DLG1: variants seen among roughly 807,000 people sequenced by gnomAD.
DLG1 encodes disks large homolog 1.
In DLG1, 42 loss-of-function variants were observed where a neutral mutation model predicts 123.4. The ratio of observed to expected loss-of-function variants is 0.34; its 90% CI spans 0.27 to 0.44. The LOEUF is 0.44. Ranked by LOEUF, DLG1 falls within the 20% of genes least tolerant of loss-of-function variation. The probability of loss-of-function intolerance (pLI) is 1.00; values close to 1 mark genes in which losing one functional copy is unlikely to be tolerated. For missense variants in DLG1, 942 were observed against 1,082.6 expected, an observed-to-expected ratio of 0.87 and a Z score of 1.82; for synonymous variants, 317 against 356.2, an observed-to-expected ratio of 0.89 and a Z score of 1.24.
intron 4 of DLG1, among the ~76,000 whole-genome samples, chr3:197,215,978 T>C (rs1369370693): frequency 6.6e-6 from 1 of 152,200 alleles, no homozygotes; most frequent in Non-Finnish European, 1.5e-5. Context: ...TTAAATGCCA[T>C]GCAAATGACC....
intron 5 of DLG1, chr3:197,183,583 A>T (rs1289254810): frequency 6.5e-7 from 1 of 1,550,262 alleles, no homozygotes; most frequent in Non-Finnish European, 8.7e-7. Context: ...ACCTGGGTGG[A>T]GCTGGTGGCT....
In DLG1 at chr3:197,170,779, G is replaced by C. The variant is rs542732383; in HGVS notation, c.484-20983C>G. ...ATGTTTGCTTTTGTTGCAATTGCATGGTGTCTTCATGATGAACCCTTTGCC... is the reference window on the plus strand; with the variant it reads ...ATGTTTGCTTTTGTTGCAATTGCATCGTGTCTTCATGATGAACCCTTTGCC... On this transcript the variant is annotated intron_variant, in intron 5 of 24. Transcript: ENST00000667157. 2.4e-4 allele frequency among the ~76,000 whole-genome samples: 36 copies of C among 152,216 alleles called. No individual in the cohort carries two copies. The East Asian group carries it at 6.6e-3, about 28-fold the overall frequency.
rs929718456 is a variant in DLG1 at position 197,296,835 on chromosome 3, T to C, written c.19+351A>G. The C allele has an allele frequency of 1.2e-5, 4 of 340,882 alleles. No individual in the cohort carries two copies. The Admixed American group carries it at 1.8e-4, about 15-fold the overall frequency. The allele number at this position is 340,882 out of a possible 1,614,324, so 21.1% of individuals were successfully genotyped here. ...TACAATTTGTCATCATAATCCAAAT[T>C]TTTAACATTTCAAAATACAAATTCT... On this transcript the variant is annotated intron_variant, in intron 2 of 24. Coordinates refer to ENST00000667157, the MANE Select transcript of DLG1 (RefSeq NM_001366207.1).
At chr3:197,274,684 A>C (rs1029614560) in intron 4 of DLG1, among the ~76,000 whole-genome samples, 2 of 152,236 alleles carry the variant, frequency 1.3e-5, no homozygotes, top group Non-Finnish European at 2.9e-5. Flanking sequence ...CAGAGTGATG[A>C]AACAACTTAC....
rs561230450 is a variant in DLG1 at position 197,190,097 on chromosome 3, T to C, written c.483+4328A>G. ...GATACCAAAAAACTGACTTCTCATC[T>C]CTTATGGTCAGAAAATTAAGGAAGA... On this transcript the variant is annotated intron_variant, in intron 5 of 24. Coordinates refer to ENST00000667157, the MANE Select transcript of DLG1 (RefSeq NM_001366207.1). 3.9e-5 allele frequency among the ~76,000 whole-genome samples: 6 copies of C among 152,338 alleles called. No homozygotes were observed. The East Asian group carries it at 7.7e-4, about 20-fold the overall frequency.
At chr3:197,184,092 G>A in intron 5 of DLG1, 5 of 1,179,806 alleles carry the variant, frequency 4.2e-6, no homozygotes, top group Non-Finnish European at 5.3e-6. Flanking sequence ...TTTTTCACCA[G>A]CGTCTGCAGG....
intron 4 of DLG1, among the ~76,000 whole-genome samples, chr3:197,237,028 C>T (rs1746332070): frequency 6.6e-6 from 1 of 152,030 alleles, no homozygotes; most frequent in African/African-American, 2.4e-5. Flanking sequence ...CAATAACTAG[C>T]GTCTGGGAGC....
chr3:197,228,908 A>G (rs1741356195), intron 4 of DLG1, among the ~76,000 whole-genome samples: 1 of 152,206 alleles, frequency 6.6e-6, no homozygotes, highest in Non-Finnish European at 1.5e-5. Flanking sequence ...AAATTATCAA[A>G]AGCTTGGAAA....
At chr3:197,099,866 T>C (rs1174383989) in intron 14 of DLG1, among the ~76,000 whole-genome samples, 1 of 152,226 alleles carries the variant, frequency 6.6e-6, no homozygotes. Flanking sequence ...GGCCAGTTAG[T>C]TGTTTTAAGT....
intron 23 of DLG1, among the ~76,000 whole-genome samples, chr3:197,052,838 T>C (rs1578161443): frequency 6.6e-6 from 1 of 152,186 alleles, no homozygotes; most frequent in South Asian, 2.1e-4. Flanking sequence ...AGAGAATCTA[T>C]AGGTTAAACA....
At chr3:197,283,194 A>G (rs1212906169) in intron 3 of DLG1, among the ~76,000 whole-genome samples, 1 of 152,196 alleles carries the variant, frequency 6.6e-6, no homozygotes, top group Non-Finnish European at 1.5e-5. Flanking sequence ...TATAATACAT[A>G]TAAGATGCCT....
chr3:197,288,169 T>C (rs770424502), intron 3 of DLG1, among the ~76,000 whole-genome samples: 9 of 151,550 alleles, frequency 5.9e-5, no homozygotes, highest in Non-Finnish European at 1.3e-4. Context: ...ATCGAGACCA[T>C]CCTGGCCAAC....
chr3:197,087,687 A>T (rs1755224694), intron 15 of DLG1, among the ~76,000 whole-genome samples: 1 of 152,246 alleles, frequency 6.6e-6, no homozygotes, highest in Non-Finnish European at 1.5e-5. Context: ...GCAGAATGAA[A>T]GAAGCTATAA....
chr3:197,045,585 A>C lies in DLG1; in HGVS notation c.2576-856T>G, dbSNP rs575588383. Among the ~76,000 whole-genome samples, 158 of 151,664 alleles carry C rather than the reference A, an allele frequency of 1.0e-3. 3 individuals are homozygous for C. Among genetic ancestry groups the C allele is most frequent in the African/African-American group, 3.5e-3 (143 of 41,424 alleles). On this transcript the variant is annotated intron_variant, in intron 24 of 24. Coordinates refer to ENST00000667157, the MANE Select transcript of DLG1 (RefSeq NM_001366207.1). Reference sequence around the variant, plus strand: ...GTGAGACCCTGTGTATTTAAAAAAAAAAAAAAATAGCTGGGCATGGTGGTG... The same window carrying C: ...GTGAGACCCTGTGTATTTAAAAAAACAAAAAAATAGCTGGGCATGGTGGTG...
intron 11 of DLG1, among the ~76,000 whole-genome samples, chr3:197,122,505 A>C (rs1036940056): frequency 6.6e-6 from 1 of 152,146 alleles, no homozygotes; most frequent in Non-Finnish European, 1.5e-5. Flanking sequence ...GAAAGAAGGA[A>C]GTAAAATTCA....
At chr3:197,052,327 T>C (rs977851191) in intron 23 of DLG1, among the ~76,000 whole-genome samples, 4 of 152,020 alleles carry the variant, frequency 2.6e-5, no homozygotes, top group African/African-American at 7.2e-5. Flanking sequence ...TGGTGGCGCA[T>C]GCCTGTAATC....
At chr3:197,176,911 T>C (rs532102773) in intron 5 of DLG1, among the ~76,000 whole-genome samples, 1 of 152,064 alleles carries the variant, frequency 6.6e-6, no homozygotes, top group Non-Finnish European at 1.5e-5. Context: ...TTAATCTTCA[T>C]CTCTATGCTT....
At chr3:197,215,429 A>G (rs553134627) in intron 4 of DLG1, among the ~76,000 whole-genome samples, 12 of 152,254 alleles carry the variant, frequency 7.9e-5, no homozygotes, top group African/African-American at 2.4e-4. Flanking sequence ...TTTAATATAA[A>G]ACTTTTAGAA....
At chr3:197,063,618 T>A (rs1041349155) in intron 22 of DLG1, among the ~76,000 whole-genome samples, 2 of 152,248 alleles carry the variant, frequency 1.3e-5, no homozygotes, top group African/African-American at 4.8e-5. Flanking sequence ...CAATCACTTT[T>A]ATCTGGGCAT....
Sources: gnomAD v4.1 joint callset for allele counts (sites outside exome capture counted in the v4.1 genomes callset) on GRCh38, gnomAD v4.1.1 for gene constraint, MANE v1.5 for transcripts, NCBI Gene and HGNC (gene_info 2026-07-23, HGNC 2026-07-21) for gene names.